Variants in EAPP observed in about 807,000 individuals in gnomAD.
EAPP encodes the protein E2F-associated phosphoprotein.
Under a neutral mutation model 34.3 loss-of-function variants are expected in EAPP, and 38 were observed. That is an observed-to-expected ratio of 1.11 (90% CI 0.85 to 1.45). EAPP has a LOEUF of 1.45. EAPP is among the 40% of genes most tolerant of loss of function. The pLI is 0.00. For missense variants in EAPP, 338 were observed against 343.7 expected, an observed-to-expected ratio of 0.98 and a Z score of 0.13; for synonymous variants, 113 against 117.6, an observed-to-expected ratio of 0.96 and a Z score of 0.25.
chr14:34,528,144 C>T (rs917322613), intron 4 of EAPP, among the ~76,000 whole-genome samples: 6 of 149,986 alleles, frequency 4.0e-5, no homozygotes, highest in African/African-American at 9.8e-5. Flanking sequence ...TGGGATCAAG[C>T]GATTCTTGTG....
chr14:34,520,410 A>G (rs149149826), intron 5 of EAPP, among the ~76,000 whole-genome samples: 2 of 151,144 alleles, frequency 1.3e-5, no homozygotes, highest in Non-Finnish European at 1.5e-5. Flanking sequence ...GAGTTTCACC[A>G]TGTTGGCCAG....
intron 4 of EAPP, among the ~76,000 whole-genome samples, chr14:34,526,410 AG>A: frequency 6.6e-6 from 1 of 152,120 alleles, no homozygotes; most frequent in Non-Finnish European, 1.5e-5. Flanking sequence ...CCTGGGCAAC[AG>A]AGCGAGACTC....
At chr14:34,534,953 C>T (rs1245013674) in intron 2 of EAPP, among the ~76,000 whole-genome samples, 2 of 152,000 alleles carry the variant, frequency 1.3e-5, no homozygotes, top group African/African-American at 2.4e-5. Flanking sequence ...GATTCTCCTG[C>T]CTGGCCTCCT....
chr14:34,522,730 G>A (rs1217132471), intron 5 of EAPP, among the ~76,000 whole-genome samples: 1 of 152,166 alleles, frequency 6.6e-6, no homozygotes, highest in African/African-American at 2.4e-5. Context: ...GAAGTGGGGG[G>A]TGGGTCCCAA....
intron 1 of EAPP, among the ~76,000 whole-genome samples, chr14:34,538,051 A>G (rs966456146): frequency 1.3e-5 from 2 of 152,144 alleles, no homozygotes; most frequent in African/African-American, 4.8e-5. Context: ...TACCAGTGGC[A>G]ACTGTCACAG....
intron 5 of EAPP, among the ~76,000 whole-genome samples, chr14:34,522,134 G>A (rs144101717): frequency 7.0e-4 from 106 of 151,872 alleles, no homozygotes; most frequent in Middle Eastern, 3.4e-3. Flanking sequence ...AGTTTTTTTC[G>A]TTTTCTGTAG....
At chr14:34,520,810 T>A (rs1879893288) in intron 5 of EAPP, among the ~76,000 whole-genome samples, 1 of 151,986 alleles carries the variant, frequency 6.6e-6, no homozygotes, top group Non-Finnish European at 1.5e-5. Context: ...CCTGGCATTT[T>A]TTTTTTTCAT....
intron 3 of EAPP, among the ~76,000 whole-genome samples, chr14:34,532,603 T>C (rs1317740325): frequency 6.6e-6 from 1 of 151,464 alleles, no homozygotes; most frequent in East Asian, 1.9e-4. Context: ...GGACACACTC[T>C]CTCTCACTCC....
chr14:34,537,325 T>C (rs1288694429), intron 1 of EAPP, among the ~76,000 whole-genome samples: 88 of 152,238 alleles, frequency 5.8e-4, no homozygotes. Context: ...TTATTTCTTA[T>C]AACTGAATGT....
intron 1 of EAPP, among the ~76,000 whole-genome samples, chr14:34,538,638 T>TA (rs915865419): frequency 4.3e-4 from 66 of 152,228 alleles, no homozygotes; most frequent in Admixed American, 5.9e-4. Context: ...GCTGTTCCTT[T>TA]ACTACCAGGC....
In EAPP at chr14:34,516,230, A is replaced by G; in HGVS notation, c.*80T>C. ...ACTGCTTCCTCAATGTCACTGAAGG[A>G]TATGAACAGGCAAGAGGAAAGTAAC... On this transcript the variant is annotated 3_prime_UTR_variant, in exon 6 of 6. Coordinates refer to ENST00000250454, the MANE Select transcript of EAPP (RefSeq NM_018453.4). 7.5e-7 allele frequency: 1 copy of G among 1,337,040 alleles called. No individual in the cohort carries two copies. Among genetic ancestry groups the G allele is most frequent in the Non-Finnish European group, 1.0e-6 (1 of 979,788 alleles). The allele number at this position is 1,337,040 out of a possible 1,614,324, so 82.8% of individuals were successfully genotyped here.
In EAPP at chr14:34,516,447, C is replaced by A. The variant is rs1879723867; in HGVS notation, c.721G>T (p.Asp241Tyr). ...VHKKMRSNRE[D>Y]AAEKAETDVE... ...TCTGTCTCTGCCTTCTCGGCAGCAT[C>A]TTCCCGGTTAGACCTCATCTTCTTA... The change falls in exon 6 of 6, where the codon GAT becomes TAT. Residue 241 changes from aspartate (D) to tyrosine (Y), a missense_variant. Physicochemically the swap from Asp to Tyr is radical, Grantham distance 160. Coordinates refer to ENST00000250454, the MANE Select transcript of EAPP (RefSeq NM_018453.4). 1 of 1,614,060 alleles carries A rather than the reference C, an allele frequency of 6.2e-7. No individual in the cohort carries two copies. The highest frequency in any genetic ancestry group is 8.5e-7 in the Non-Finnish European group (1 of 1,180,046).
Position 34,516,008 on chromosome 14 carries a change from G to A in EAPP, c.*302C>T. 1 of 275,478 alleles carries A rather than the reference G, an allele frequency of 3.6e-6. No individual in the cohort carries two copies. The highest frequency in any genetic ancestry group is 6.5e-5 in the East Asian group (1 of 15,438). The allele number at this position is 275,478 out of a possible 1,614,324, so 17.1% of individuals were successfully genotyped here. A position where few individuals can be genotyped will look rare whatever the true frequency, so the allele number is the denominator to read the frequency against. ...AATAAAAATAACACTCAGAAACAAA[G>A]ATTGCTTATAATTCCAGAACATTTT... On this transcript the variant is annotated 3_prime_UTR_variant, in exon 6 of 6. Transcript: ENST00000250454.
At chr14:34,537,393 G>A (rs1321859234) in intron 1 of EAPP, among the ~76,000 whole-genome samples, 1 of 152,184 alleles carries the variant, frequency 6.6e-6, no homozygotes, top group East Asian at 1.9e-4. Context: ...ATCACAAAGT[G>A]AGAGCTATTT....
chr14:34,533,765 C>T (rs1255825449), intron 2 of EAPP, among the ~76,000 whole-genome samples: 3 of 152,216 alleles, frequency 2.0e-5, no homozygotes, highest in Non-Finnish European at 4.4e-5. Flanking sequence ...ATTCTTCTCT[C>T]TCCCTTCCCA....
At chr14:34,529,124 A>G (rs1880192918) in intron 4 of EAPP, among the ~76,000 whole-genome samples, 1 of 152,088 alleles carries the variant, frequency 6.6e-6, no homozygotes, top group South Asian at 2.1e-4. Flanking sequence ...CGACAGTGCA[A>G]GACTCTGTCT....
At chr14:34,538,043 C>G (rs1442369828) in intron 1 of EAPP, among the ~76,000 whole-genome samples, 1 of 152,080 alleles carries the variant, frequency 6.6e-6, no homozygotes. Flanking sequence ...AGTTACCTTA[C>G]CAGTGGCAAC....
At chr14:34,534,524 A>C (rs1023388492) in intron 2 of EAPP, among the ~76,000 whole-genome samples, 6 of 152,352 alleles carry the variant, frequency 3.9e-5, no homozygotes, top group African/African-American at 1.4e-4. Flanking sequence ...TTACTCACTA[A>C]AGTGAAACAG....
intron 3 of EAPP, among the ~76,000 whole-genome samples, chr14:34,532,980 A>G (rs1012413822): frequency 6.6e-6 from 1 of 151,156 alleles, no homozygotes; most frequent in African/African-American, 2.4e-5. Flanking sequence ...CCCAGCCCCC[A>G]GTTTTTCTTA....
Sources: gnomAD v4.1 joint callset for allele counts (sites outside exome capture counted in the v4.1 genomes callset) on GRCh38, gnomAD v4.1.1 for gene constraint, MANE v1.5 for transcripts, NCBI Gene and HGNC (gene_info 2026-07-23, HGNC 2026-07-21) for gene names.